ADGRG4: variants seen among roughly 807,000 people sequenced by gnomAD.
ADGRG4 encodes the protein adhesion G protein-coupled receptor G4.
A neutral mutation model predicts 126.2 loss-of-function variants in ADGRG4; 122 were observed. That is an observed-to-expected ratio of 0.97 (90% confidence interval 0.83 to 1.12). The LOEUF (loss-of-function observed/expected upper bound fraction) is 1.12, where lower values mean the gene tolerates loss of function less well. Ranked by LOEUF, ADGRG4 falls within the 50% of genes most tolerant of loss-of-function variation. The pLI, the probability that ADGRG4 is intolerant of heterozygous loss-of-function variation, is 0.00. For missense variants in ADGRG4, 2,481 were observed against 2,251.8 expected (o/e 1.10, Z -2.06); for synonymous variants, 943 against 838.7 (o/e 1.12, Z -2.15).
At chrX:136,335,565 T>G (rs2148459264) in intron 5 of ADGRG4, among the ~76,000 whole-genome samples, 1 of 111,673 alleles carries the variant, frequency 9.0e-6, no homozygotes, top group Admixed American at 9.5e-5. Flanking sequence ...CTATTCAGAT[T>G]GTCTATTTCC....
intron 5 of ADGRG4, among the ~76,000 whole-genome samples, chrX:136,341,532 C>T (rs1464060540): frequency 8.9e-6 from 1 of 111,986 alleles, no homozygotes; most frequent in Non-Finnish European, 1.9e-5. Flanking sequence ...TGACAATTCT[C>T]CTTTCACGTG....
chrX:136,345,043 T>C lies in ADGRG4; in HGVS notation c.1337T>C (p.Val446Ala), dbSNP rs2075004358. 8.3e-7 allele frequency: 1 copy of C among 1,209,561 alleles called. No homozygotes were observed. Among genetic ancestry groups the C allele is most frequent in the Non-Finnish European group, 1.1e-6 (1 of 894,712 alleles). ...EFIESTAAGT[V>A]PWFTVEKTSP... is the part of the protein sequence containing the mutation. ...ATTGAATCTACAGCTGCCGGAACTG[T>C]ACCTTGGTTTACAGTGGAAAAGACT... The change falls in exon 6 of 26, where the codon GTA (valine) becomes GCA (alanine). Residue 446 changes from valine (V) to alanine (A), a missense_variant. Transcript: ENST00000394143.
At position 136,346,568 on chromosome X, in the gene ADGRG4, C is replaced by T; in HGVS notation, c.2862C>T (p.Pro954=). 4 of 1,210,149 alleles carry T rather than the reference C, an allele frequency of 3.3e-6. No individual in the cohort carries two copies. In the South Asian group the frequency reaches 5.3e-5, roughly 16 times the overall value. Residue 954 remains proline (P), a synonymous_variant, in exon 6 of 26, where the codon CCC becomes CCT. Coordinates refer to ENST00000394143, the MANE Select transcript of ADGRG4 (RefSeq NM_153834.4). Reference sequence around the variant, plus strand: ...CTGAGGGAATTTCAGCTGGATCTCCCACTTCTGGGAGCACACATATATTCG... The same window carrying T: ...CTGAGGGAATTTCAGCTGGATCTCCTACTTCTGGGAGCACACATATATTCG... ...ETSEGISAGS[P]TSGSTHIFGE...
rs764456638 is a variant in ADGRG4, at chrX:136,405,898, G to A, written c.8861G>A (p.Gly2954Glu). 15 of 1,178,069 alleles carry A rather than the reference G, an allele frequency of 1.3e-5. No homozygotes were observed. The highest frequency in any genetic ancestry group is 1.7e-5 in the Non-Finnish European group (15 of 878,616). ...ACATTCTTACTTGGCCTCACCTGGGGGTTTGCATTTTTTGCTTGGGGACCC... is the reference window on the plus strand; with the variant it reads ...ACATTCTTACTTGGCCTCACCTGGGAGTTTGCATTTTTTGCTTGGGGACCC... Reference protein sequence around the residue: ...SLTFLLGLTWGFAFFAWGPMR... With the variant: ...SLTFLLGLTWEFAFFAWGPMR... The change falls in exon 23 of 26, where the codon GGG (glycine) becomes GAG (glutamate). Residue 2954 changes from glycine to glutamate, a missense_variant. By Grantham distance (98) the Gly-to-Glu change is moderately conservative. Transcript: ENST00000394143.
At chrX:136,313,033 C>T (rs1169270948) in intron 4 of ADGRG4, among the ~76,000 whole-genome samples, 1 of 112,127 alleles carries the variant, frequency 8.9e-6, no homozygotes, top group East Asian at 2.8e-4. Context: ...TATGGATATA[C>T]CTCATATTTT....
At chrX:136,413,335 G>A (rs1201282798) in intron 24 of ADGRG4, among the ~76,000 whole-genome samples, 1 of 106,326 alleles carries the variant, frequency 9.4e-6, no homozygotes, top group Admixed American at 1.0e-4. Context: ...GAGAATATGA[G>A]GTGTTTGGTT....
intron 19 of ADGRG4, among the ~76,000 whole-genome samples, chrX:136,396,791 C>CT (rs778121909): frequency 0.054 from 4,934 of 92,012 alleles, 385 homozygotes; most frequent in African/African-American, 0.17. Flanking sequence ...ATAGTTCTGT[C>CT]TTTTTTTTTT....
At chrX:136,386,088 A>G (rs1026571067) in intron 15 of ADGRG4, among the ~76,000 whole-genome samples, 3 of 112,242 alleles carry the variant, frequency 2.7e-5, no homozygotes, top group Non-Finnish European at 5.6e-5. Context: ...TACAAGATGT[A>G]AAAACGGGTA....
At chrX:136,408,115 G>A (rs1367918387) in intron 23 of ADGRG4, among the ~76,000 whole-genome samples, 1 of 112,062 alleles carries the variant, frequency 8.9e-6, no homozygotes, top group Admixed American at 9.5e-5. Flanking sequence ...GCTTATAAAG[G>A]AGGGGCAGGG....
At chrX:136,322,689 C>A in intron 4 of ADGRG4, 89 bp from the exon 5 acceptor site, 1 of 814,936 alleles carries the variant, frequency 1.2e-6, no homozygotes, top group Non-Finnish European at 1.8e-6. Context: ...TTGTATAACC[C>A]AGATTTGACT....
chrX:136,357,514 T>C (rs1009049314), intron 9 of ADGRG4, among the ~76,000 whole-genome samples, 190 bp from the exon 10 acceptor site: 2 of 112,218 alleles, frequency 1.8e-5, no homozygotes, highest in African/African-American at 6.5e-5. Flanking sequence ...CGACAATCCC[T>C]GTATTGCCCA....
Position 136,323,344 on chromosome X carries a change from T to C in ADGRG4, c.637T>C (p.Trp213Arg), listed in dbSNP as rs1484296876. 5 of 1,207,886 alleles carry C rather than the reference T, an allele frequency of 4.1e-6. No individual in the cohort carries two copies. Among genetic ancestry groups the C allele is most frequent in the Non-Finnish European group, 5.6e-6 (5 of 894,097 alleles). ...TATAGTTAGTTGGGAAGAAGACGTC[T>C]GGCTTGTCAACAAGATCATCCCAAC... Reference protein sequence around the residue: ...GNIVSWEEDVWLVNKIIPTVD... With the variant: ...GNIVSWEEDVRLVNKIIPTVD... Residue 213 changes from tryptophan (W) to arginine (R), a missense_variant, in exon 5 of 26, where the codon TGG becomes CGG. Trp to Arg is a moderately radical substitution (Grantham distance 101). Coordinates refer to ENST00000394143, the MANE Select transcript of ADGRG4 (RefSeq NM_153834.4).
intron 23 of ADGRG4, among the ~76,000 whole-genome samples, chrX:136,406,565 A>T (rs1329750115): frequency 8.9e-6 from 1 of 112,291 alleles, no homozygotes; most frequent in East Asian, 2.8e-4. Context: ...ATTCCGATGA[A>T]ATGAACAAAT....
chrX:136,347,275 C>T lies in ADGRG4; in HGVS notation c.3569C>T (p.Thr1190Ile). The T allele has an allele frequency of 8.3e-7, 1 of 1,211,487 alleles. No homozygotes were observed. The highest frequency in any genetic ancestry group is 1.1e-6 in the Non-Finnish European group (1 of 895,240). ...ACCTATGCTCTCAGCTTCCCATATACTTTCAGTGGTGGTGGAGTTGTTGCC... is the reference window on the plus strand; with the variant it reads ...ACCTATGCTCTCAGCTTCCCATATATTTTCAGTGGTGGTGGAGTTGTTGCC... ...TSTYALSFPY[T>I]FSGGGVVASL... The change falls in exon 6 of 26, where the codon ACT becomes ATT. Residue 1190 changes from threonine (T) to isoleucine (I), a missense_variant. Thr to Ile is a moderately conservative substitution (Grantham distance 89, BLOSUM62 -1). Transcript: ENST00000394143.
Position 136,311,815 on chromosome X carries a change from G to A in ADGRG4, c.70+2968G>A, listed in dbSNP as rs938776395. The stretch of plus-strand genomic sequence containing the variant: ...TCTTCTTCTGAAAGGTGTTTGTGTA[G>A]CCAGGGTTCAGGAAAAGCCCTATCT... On this transcript the variant is annotated intron_variant, in intron 4 of 25. Coordinates refer to ENST00000394143, the MANE Select transcript of ADGRG4 (RefSeq NM_153834.4). 8.1e-5 allele frequency among the ~76,000 whole-genome samples: 9 copies of A among 110,857 alleles called. No individual in the cohort carries two copies. The East Asian group carries it at 2.5e-3, about 31-fold the overall frequency.
chrX:136,410,108 C>A (rs2075437784), intron 23 of ADGRG4, among the ~76,000 whole-genome samples: 1 of 112,544 alleles, frequency 8.9e-6, no homozygotes, highest in East Asian at 2.8e-4. Context: ...CATGGTTGCT[C>A]TGAAACTTTC....
chrX:136,322,791 A>G lies in ADGRG4; in HGVS notation c.84A>G (p.Leu28=). The G allele has an allele frequency of 8.5e-7, 1 of 1,182,769 alleles. No individual in the cohort carries two copies. Among genetic ancestry groups the G allele is most frequent in the Non-Finnish European group, 1.1e-6 (1 of 880,846 alleles). The change falls in exon 5 of 26, where the codon CTA becomes CTG. Residue 28 remains leucine (L), a synonymous_variant. Coordinates refer to ENST00000394143, the MANE Select transcript of ADGRG4 (RefSeq NM_153834.4). ...SFIFLSDTLS[L]KGKKLDFFGR... ...AAATTTGGACAGATACACTTTCACT[A>G]AAAGGAAAAAAGCTGGATTTTTTTG...
chrX:136,302,175 G>C (rs1273030851), intron 1 of ADGRG4, among the ~76,000 whole-genome samples: 1 of 111,975 alleles, frequency 8.9e-6, no homozygotes, highest in African/African-American at 3.2e-5. Flanking sequence ...ACCTTGGGCA[G>C]TATGGCCATT....
At chrX:136,409,261 A>T (rs1266406410) in intron 23 of ADGRG4, among the ~76,000 whole-genome samples, 3 of 112,083 alleles carry the variant, frequency 2.7e-5, no homozygotes, top group East Asian at 5.6e-4. Flanking sequence ...ACAAATAAAA[A>T]TGCAGGTGAC....
Sources: gnomAD v4.1 joint callset for allele counts (sites outside exome capture counted in the v4.1 genomes callset) on GRCh38, gnomAD v4.1.1 for gene constraint, MANE v1.5 for transcripts, NCBI Gene and HGNC (gene_info 2026-07-23, HGNC 2026-07-21) for gene names.